The following HMGCLL1 variants were observed in gnomAD, a reference collection of about 807,000 sequenced individuals.
The protein encoded by HMGCLL1 is 3-hydroxy-3-methylglutaryl-CoA lyase like 1.
HMGCLL1 carries 36 observed loss-of-function variants against 39.1 expected under a neutral mutation model. That is an observed-to-expected ratio of 0.92 (90% confidence interval 0.71 to 1.22). The LOEUF (loss-of-function observed/expected upper bound fraction) is 1.22, where lower values mean the gene tolerates loss of function less well. Among genes scored for constraint, HMGCLL1 ranks in the 50% most tolerant of loss-of-function variants. The pLI is 0.00. For missense variants in HMGCLL1, 451 were observed against 416.5 expected, an observed-to-expected ratio of 1.08 and a Z score of -0.72; for synonymous variants, 149 against 144.0, an observed-to-expected ratio of 1.03 and a Z score of -0.25.
the HMGCLL1 span, among the ~76,000 whole-genome samples, chr6:55,658,769 G>C: frequency 6.6e-6 from 1 of 151,766 alleles, no homozygotes; most frequent in Admixed American, 6.6e-5. Flanking sequence ...CTGTATTTTC[G>C]TAGAGTTGAA....
intron 1 of HMGCLL1, among the ~76,000 whole-genome samples, chr6:55,574,956 G>A (rs901842145): frequency 6.6e-6 from 1 of 151,696 alleles, no homozygotes; most frequent in Non-Finnish European, 1.5e-5. Context: ...AAATATAATA[G>A]GTTTGAAACA....
chr6:55,540,486 T>C (rs1252550689), intron 3 of HMGCLL1, among the ~76,000 whole-genome samples: 2 of 152,044 alleles, frequency 1.3e-5, no homozygotes, highest in South Asian at 4.2e-4. Flanking sequence ...CATATGAGGA[T>C]AGAATGAGAA....
At chr6:55,656,294 G>A in the HMGCLL1 span, among the ~76,000 whole-genome samples, 1 of 151,862 alleles carries the variant, frequency 6.6e-6, no homozygotes, top group Non-Finnish European at 1.5e-5. Flanking sequence ...CTGAATTTAT[G>A]GATTATGGTG....
upstream of HMGCLL1, among the ~76,000 whole-genome samples, chr6:55,582,416 T>C (rs1393359925): frequency 6.6e-6 from 1 of 152,176 alleles, no homozygotes; most frequent in Non-Finnish European, 1.5e-5. Flanking sequence ...TTTGAAAATA[T>C]ATATCTGATA....
chr6:55,493,096 A>G (rs1766398450), intron 7 of HMGCLL1, among the ~76,000 whole-genome samples: 1 of 150,864 alleles, frequency 6.6e-6, no homozygotes, highest in Admixed American at 6.6e-5. Flanking sequence ...GTATATATTA[A>G]TAATGTATAT....
At chr6:55,570,186 G>A (rs946603701) in intron 1 of HMGCLL1, among the ~76,000 whole-genome samples, 3 of 152,142 alleles carry the variant, frequency 2.0e-5, no homozygotes, top group East Asian at 1.9e-4. Flanking sequence ...AGAACCCTAC[G>A]TAGTTATCTG....
chr6:55,670,807 T>G, the HMGCLL1 span, among the ~76,000 whole-genome samples: 2 of 151,758 alleles, frequency 1.3e-5, no homozygotes, highest in Non-Finnish European at 3.0e-5. Context: ...AATAAACAAA[T>G]AATTGCATTG....
chr6:55,447,712 AG>A (rs1763915740), intron 7 of HMGCLL1, among the ~76,000 whole-genome samples: 1 of 152,108 alleles, frequency 6.6e-6, no homozygotes. Context: ...CATATGATAA[AG>A]CTCCACAAAG....
intron 7 of HMGCLL1, among the ~76,000 whole-genome samples, chr6:55,482,365 C>T (rs1765793766): frequency 1.3e-5 from 2 of 152,126 alleles, no homozygotes; most frequent in Admixed American, 6.6e-5. Flanking sequence ...TAAAAATAGT[C>T]TTCCTTCTTT....
At chr6:55,521,215 T>A (rs903979990) in intron 3 of HMGCLL1, among the ~76,000 whole-genome samples, 1 of 152,098 alleles carries the variant, frequency 6.6e-6, no homozygotes, top group African/African-American at 2.4e-5. Context: ...GTTGTTAGTG[T>A]CATCAGCTCA....
intron 1 of HMGCLL1, among the ~76,000 whole-genome samples, chr6:55,547,899 A>G (rs987743857): frequency 2.0e-5 from 3 of 152,020 alleles, no homozygotes; most frequent in Admixed American, 6.6e-5. Context: ...GCAGATATCC[A>G]TAGAAACCTT....
intron 1 of HMGCLL1, among the ~76,000 whole-genome samples, chr6:55,554,637 T>C (rs1770553744): frequency 6.6e-6 from 1 of 152,010 alleles, no homozygotes; most frequent in Non-Finnish European, 1.5e-5. Context: ...GGCAATGAAA[T>C]ATGCTGAGAA....
chr6:55,461,278 T>C (rs1256572216), intron 7 of HMGCLL1, among the ~76,000 whole-genome samples: 1 of 152,010 alleles, frequency 6.6e-6, no homozygotes, highest in Non-Finnish European at 1.5e-5. Flanking sequence ...GTGGAACCCA[T>C]TCCTTAGCTT....
the HMGCLL1 span, among the ~76,000 whole-genome samples, chr6:55,638,583 G>A: frequency 1.4e-4 from 21 of 152,048 alleles, no homozygotes; most frequent in South Asian, 2.1e-4. Flanking sequence ...CTTTCAGTCT[G>A]AAATGAGTCC....
the HMGCLL1 span, among the ~76,000 whole-genome samples, chr6:55,647,152 T>A: frequency 6.6e-6 from 1 of 152,078 alleles, no homozygotes; most frequent in Non-Finnish European, 1.5e-5. Context: ...TATCATTATA[T>A]AATGACCTTC....
At chr6:55,578,331 C>T (rs192316805) in intron 1 of HMGCLL1, among the ~76,000 whole-genome samples, 3 of 152,196 alleles carry the variant, frequency 2.0e-5, no homozygotes, top group African/African-American at 4.8e-5. Context: ...TGCATTAAAT[C>T]ATAAGTATAT....
chr6:55,522,080 A>G (rs1322321369), intron 3 of HMGCLL1, among the ~76,000 whole-genome samples: 1 of 151,984 alleles, frequency 6.6e-6, no homozygotes, highest in African/African-American at 2.4e-5. Context: ...CCCTAAGCCA[A>G]AGCCTAATCC....
chr6:55,651,979 G>A, the HMGCLL1 span, among the ~76,000 whole-genome samples: 3 of 151,990 alleles, frequency 2.0e-5, no homozygotes, highest in Admixed American at 6.6e-5. Flanking sequence ...AAGGAGGGGT[G>A]GTATTGTTGA....
intron 3 of HMGCLL1, among the ~76,000 whole-genome samples, chr6:55,535,505 C>T (rs1768963470): frequency 6.6e-6 from 1 of 152,154 alleles, no homozygotes; most frequent in Non-Finnish European, 1.5e-5. Flanking sequence ...TGGTTTTGAT[C>T]TCCATGCCGG....
Sources: allele counts gnomAD v4.1 joint callset (sites outside exome capture counted in the v4.1 genomes callset), GRCh38; gene constraint gnomAD v4.1.1; transcripts MANE v1.5; gene names NCBI Gene and HGNC (gene_info 2026-07-23, HGNC 2026-07-21).